Variants in CTNND2 observed in about 807,000 individuals in gnomAD.
The protein encoded by CTNND2 is catenin delta 2.
Under a neutral mutation model 144.4 loss-of-function variants are expected in CTNND2, and 22 were observed. The ratio of observed to expected loss-of-function variants is 0.15; its 90% CI spans 0.11 to 0.22. The LOEUF (loss-of-function observed/expected upper bound fraction) is 0.22. Among genes scored for constraint, CTNND2 ranks in the 10% least tolerant of loss-of-function variants. The pLI, the probability that CTNND2 is intolerant of heterozygous loss-of-function variation, is 1.00. For missense variants in CTNND2, 1,353 were observed against 1,618.8 expected, an observed-to-expected ratio of 0.84 and a Z score of 2.82; for synonymous variants, 751 against 695.6, an observed-to-expected ratio of 1.08 and a Z score of -1.25.
chr5:11,559,414 C>T (rs1167540066), intron 3 of CTNND2, among the ~76,000 whole-genome samples: 1 of 152,132 alleles, frequency 6.6e-6, no homozygotes, highest in African/African-American at 2.4e-5. Context: ...CATTTTAGTC[C>T]AATATTCTAT....
chr5:11,539,895 A>G (rs941304632), intron 3 of CTNND2, among the ~76,000 whole-genome samples: 1 of 152,100 alleles, frequency 6.6e-6, no homozygotes, highest in African/African-American at 2.4e-5. Flanking sequence ...TTAGCTGGGC[A>G]TGGTGGTGGG....
intron 3 of CTNND2, among the ~76,000 whole-genome samples, chr5:11,419,061 T>C (rs1181165745): frequency 3.8e-5 from 5 of 130,342 alleles, no homozygotes; most frequent in Non-Finnish European, 1.5e-5. Context: ...TCTATATAGA[T>C]ATATATATAG....
chr5:11,387,125 A>G (rs1759173348), intron 6 of CTNND2, among the ~76,000 whole-genome samples: 1 of 45,630 alleles, frequency 2.2e-5, no homozygotes, highest in Admixed American at 3.2e-4. Flanking sequence ...GTGAGACCAT[A>G]TATCAGTTTT....
intron 18 of CTNND2, among the ~76,000 whole-genome samples, chr5:11,001,523 A>G (rs1387270163): frequency 6.7e-6 from 1 of 148,778 alleles, no homozygotes; most frequent in African/African-American, 2.6e-5. Context: ...ATGATTTAAG[A>G]TGACAGTATT....
Position 11,060,970 on chromosome 5 carries a change from T to TA in CTNND2, c.2788+21725_2788+21726insT, listed in dbSNP as rs964236531. Among the ~76,000 whole-genome samples the TA allele has an allele frequency of 1.2e-4, 19 of 152,254 alleles. 1 individual carries two copies. The highest frequency in any genetic ancestry group is 4.6e-4 in the African/African-American group (19 of 41,522). ...CCATGACTTTAACTATCTTTTTTTT[T>TA]CTTTTTCACACTGATGACACACAGA... On this transcript the variant is annotated intron_variant, in intron 16 of 21. Coordinates refer to ENST00000304623, the MANE Select transcript of CTNND2 (RefSeq NM_001332.4).
At chr5:11,310,448 C>T (rs1750677628) in intron 9 of CTNND2, among the ~76,000 whole-genome samples, 1 of 152,014 alleles carries the variant, frequency 6.6e-6, no homozygotes, top group Non-Finnish European at 1.5e-5. Flanking sequence ...AGGTCTAAAA[C>T]CCCAAAGTCA....
At chr5:11,034,422 A>G (rs939631813) in intron 16 of CTNND2, among the ~76,000 whole-genome samples, 2 of 152,218 alleles carry the variant, frequency 1.3e-5, no homozygotes, top group African/African-American at 4.8e-5. Context: ...TTACTCCACC[A>G]AATTCCTCTG....
At chr5:11,474,046 A>T (rs978842666) in intron 3 of CTNND2, among the ~76,000 whole-genome samples, 1 of 152,184 alleles carries the variant, frequency 6.6e-6, no homozygotes, top group Non-Finnish European at 1.5e-5. Flanking sequence ...TGCTGTTTGG[A>T]AGAGAGGGTC....
At chr5:11,831,382 A>T (rs1275920782) in intron 1 of CTNND2, among the ~76,000 whole-genome samples, 1 of 152,132 alleles carries the variant, frequency 6.6e-6, no homozygotes, top group Non-Finnish European at 1.5e-5. Context: ...GGAGGAAAAA[A>T]GAGTTGCCAG....
intron 16 of CTNND2, among the ~76,000 whole-genome samples, chr5:11,081,006 G>A (rs1431051955): frequency 6.6e-6 from 1 of 151,930 alleles, no homozygotes; most frequent in Non-Finnish European, 1.5e-5. Context: ...GAACTTGGGA[G>A]GTGGAGGTTG....
At chr5:11,233,638 T>C (rs1487462500) in intron 10 of CTNND2, among the ~76,000 whole-genome samples, 1 of 152,132 alleles carries the variant, frequency 6.6e-6, no homozygotes, top group African/African-American at 2.4e-5. Context: ...GTAGAACCAA[T>C]TACTAACAGT....
chr5:11,461,047 A>G (rs887525589), intron 3 of CTNND2, among the ~76,000 whole-genome samples: 5 of 151,906 alleles, frequency 3.3e-5, no homozygotes, highest in South Asian at 4.2e-4. Context: ...TGGAAAAAAA[A>G]AAAAATTGCA....
At chr5:11,416,502 A>T (rs1345130017) in intron 3 of CTNND2, among the ~76,000 whole-genome samples, 1 of 152,154 alleles carries the variant, frequency 6.6e-6, no homozygotes, top group Non-Finnish European at 1.5e-5. Context: ...TATTTCCTTT[A>T]AGTGCACACT....
chr5:11,497,076 AG>A (rs1252860849), intron 3 of CTNND2, among the ~76,000 whole-genome samples: 1 of 152,190 alleles, frequency 6.6e-6, no homozygotes, highest in African/African-American at 2.4e-5. Context: ...CCCTTGATGA[AG>A]GAAGAATGAA....
chr5:11,687,017 T>C (rs142337457), intron 2 of CTNND2, among the ~76,000 whole-genome samples: 23 of 152,152 alleles, frequency 1.5e-4, no homozygotes, highest in African/African-American at 5.3e-4. Context: ...TGTGCTATGA[T>C]TCAGTCCATT....
chr5:11,625,913 A>T (rs1046672396), intron 2 of CTNND2, among the ~76,000 whole-genome samples: 1 of 152,180 alleles, frequency 6.6e-6, no homozygotes, highest in Non-Finnish European at 1.5e-5. Flanking sequence ...ATTTAATGCC[A>T]TCGGTGTTTG....
intron 16 of CTNND2, among the ~76,000 whole-genome samples, chr5:11,044,915 C>A (rs1334973531): frequency 6.6e-6 from 1 of 152,194 alleles, no homozygotes; most frequent in Non-Finnish European, 1.5e-5. Flanking sequence ...CACTGGGGAC[C>A]CTGAGGGCCC....
At chr5:11,245,824 A>G (rs1742943892) in intron 9 of CTNND2, among the ~76,000 whole-genome samples, 1 of 152,190 alleles carries the variant, frequency 6.6e-6, no homozygotes, top group African/African-American at 2.4e-5. Flanking sequence ...AGAAGGTGAG[A>G]GAGGCCAAGA....
chr5:11,868,289 G>T (rs1413063628), intron 1 of CTNND2, among the ~76,000 whole-genome samples: 1 of 152,128 alleles, frequency 6.6e-6, no homozygotes, highest in African/African-American at 2.4e-5. Flanking sequence ...TGATTGGGGT[G>T]TGAATTCCAC....
Sources: gnomAD v4.1 joint callset for allele counts (sites outside exome capture counted in the v4.1 genomes callset) on GRCh38, gnomAD v4.1.1 for gene constraint, MANE v1.5 for transcripts, NCBI Gene and HGNC (gene_info 2026-07-23, HGNC 2026-07-21) for gene names.